The following PRKD2 variants were observed in gnomAD, a reference collection of about 807,000 sequenced individuals.
PRKD2 encodes the protein serine/threonine-protein kinase D2.
A neutral mutation model predicts 86.0 loss-of-function variants in PRKD2; 22 were observed. That is an observed-to-expected ratio of 0.26 (90% CI 0.18 to 0.37). PRKD2 has a LOEUF of 0.37. Ranked by LOEUF, PRKD2 falls within the 10% of genes least tolerant of loss-of-function variation. The probability of loss-of-function intolerance (pLI) is 1.00; values close to 1 mark genes in which losing one functional copy is unlikely to be tolerated. For synonymous variants in PRKD2, 509 were observed against 510.9 expected (o/e 1.00, Z 0.05); for missense variants, 818 against 1,199.2 (o/e 0.68, Z 4.70).
intron 10 of PRKD2, 49 bp from the exon 11 acceptor site, chr19:46,692,034 A>G (rs1568723700): frequency 6.4e-7 from 1 of 1,567,878 alleles, no homozygotes. Context: ...GCTCAGGATT[A>G]TCTCCACCCA....
At chr19:46,679,534 A>T (rs2053264526) in intron 15 of PRKD2, among the ~76,000 whole-genome samples, 1 of 152,208 alleles carries the variant, frequency 6.6e-6, no homozygotes, top group African/African-American at 2.4e-5. Flanking sequence ...TGTTGATAGC[A>T]GCCTCCTCTC....
In PRKD2 at chr19:46,691,748, TC is replaced by T; in HGVS notation, c.1688del (p.Gly563GlufsTer49). On this transcript the variant is annotated frameshift_variant, in exon 12 of 18. Transcript: ENST00000291281. LOFTEE classifies it high-confidence loss of function. ...AAGTGTCCTCACCTCCATAGACCAC[TC>T]CAAACTGCCCTGAGCCCAGCACTTC... The part of the protein sequence containing the change: ...PDEVLGSGQF[G>X]VVYGGKHRKT... 6.2e-7 allele frequency: 1 copy of T among 1,612,554 alleles called. No individual in the cohort carries two copies. The highest frequency in any genetic ancestry group is 8.5e-7 in the Non-Finnish European group (1 of 1,179,940).
intron 9 of PRKD2, among the ~76,000 whole-genome samples, chr19:46,694,718 C>T (rs1360739397): frequency 6.6e-6 from 1 of 152,154 alleles, no homozygotes; most frequent in African/African-American, 2.4e-5. Flanking sequence ...TAAGGAAAGG[C>T]TATGCTCAAA....
chr19:46,681,523 G>A (rs2053306396), intron 15 of PRKD2, 127 bp downstream of exon 15: 1 of 660,800 alleles, frequency 1.5e-6, no homozygotes, highest in African/African-American at 1.8e-5. Context: ...CTCTCAAAAT[G>A]CTGATTACAG....
At chr19:46,712,211 T>TC (rs1206164596) in intron 2 of PRKD2, among the ~76,000 whole-genome samples, 1 of 151,890 alleles carries the variant, frequency 6.6e-6, no homozygotes, top group Non-Finnish European at 1.5e-5. Flanking sequence ...GCCACTGCAT[T>TC]CCAGCCTGGG....
At chr19:46,705,579 G>C (rs560151029) in intron 3 of PRKD2, among the ~76,000 whole-genome samples, 59 of 152,234 alleles carry the variant, frequency 3.9e-4, no homozygotes, top group Admixed American at 5.2e-4. Context: ...TTGAGGTCAG[G>C]AGTTTGAGAC....
intron 14 of PRKD2, among the ~76,000 whole-genome samples, chr19:46,688,338 G>A (rs2053430159): frequency 6.6e-6 from 1 of 151,874 alleles, no homozygotes; most frequent in African/African-American, 2.4e-5. Context: ...CAGGTCCAGG[G>A]AGCCTGACTG....
chr19:46,715,717 C>T (rs2053872362), intron 1 of PRKD2, among the ~76,000 whole-genome samples: 1 of 151,890 alleles, frequency 6.6e-6, no homozygotes, highest in African/African-American at 2.4e-5. Flanking sequence ...GCACCTGCAC[C>T]CACACATGTC....
At chr19:46,704,142 C>A in intron 5 of PRKD2, 27 bp downstream of exon 5, 1 of 1,612,738 alleles carries the variant, frequency 6.2e-7, no homozygotes, top group South Asian at 1.1e-5. Flanking sequence ...CTGACCCTGT[C>A]TGTCCTCCCC....
At chr19:46,704,024 G>A (rs2053674954) in intron 5 of PRKD2, 145 bp downstream of exon 5, 2 of 1,179,382 alleles carry the variant, frequency 1.7e-6, no homozygotes, top group East Asian at 2.6e-5. Context: ...GAATTCCAAA[G>A]GTCCCAGAAC....
chr19:46,700,909 CTT>C lies in PRKD2; in HGVS notation c.1009_1010del (p.Lys337GlufsTer6). ...CCTCTGACTCATCCATGAGGGCGCTCTTGTCAGCCTCGCTGAAATCGGTGGCC... is the reference window on the plus strand; with the variant it reads ...CCTCTGACTCATCCATGAGGGCGCTCGTCAGCCTCGCTGAAATCGGTGGCC... Reference protein sequence around the residue: ...EEATDFSEADKSALMDESEDS... With the variant: ...EEATDFSEADXSALMDESEDS... On this transcript the variant is annotated frameshift_variant, in exon 7 of 18. Coordinates refer to ENST00000291281, the MANE Select transcript of PRKD2 (RefSeq NM_016457.5). LOFTEE classifies it high-confidence loss of function. 1 of 1,614,242 alleles carries C rather than the reference CTT, an allele frequency of 6.2e-7. No individual in the cohort carries two copies. Among genetic ancestry groups the C allele is most frequent in the Non-Finnish European group, 8.5e-7 (1 of 1,180,042 alleles).
chr19:46,701,213 C>T, intron 5 of PRKD2, 101 bp from the exon 6 acceptor site: 1 of 1,273,064 alleles, frequency 7.9e-7, no homozygotes, highest in Non-Finnish European at 1.1e-6. Context: ...AGAGTCTACT[C>T]TTGCTGTCTG....
chr19:46,713,981 G>A lies in PRKD2; in HGVS notation c.261C>T (p.Tyr87=), dbSNP rs762073193. The A allele has an allele frequency of 3.0e-5, 48 of 1,613,410 alleles. No individual in the cohort carries two copies. In the Admixed American group the frequency reaches 7.2e-4, roughly 24 times the overall value. ...VDQKFPECGF[Y]GLYDKILLFK... ...AAAGCAGGATCTTGTCGTAAAGGCC[G>A]TAGAAGCCACACTCAGGGAACTGAG... Residue 87 remains tyrosine, a synonymous_variant, in exon 2 of 18, where the codon TAC becomes TAT. Transcript: ENST00000291281.
rs373208619 is a variant in PRKD2, at chr19:46,674,705, G to T, written c.2455C>A (p.Leu819Met). ...TATCGCTCTCCCATCTTCCCCTCCA[G>T]CTCTCGGAGGTCCAGCCACGTCTGG... ...EYQTWLDLRE[L>M]EGKMGERYIT... is the part of the protein sequence containing the mutation. Residue 819 changes from leucine (L) to methionine (M), a missense_variant, in exon 18 of 18, where the codon CTG (leucine) becomes ATG (methionine). Around this residue, in one of 5 missense-constraint regions of PRKD2, gnomAD observed 132 missense variants for 146.2 expected, o/e 0.90. Transcript: ENST00000291281. 1 of 1,605,606 alleles carries T rather than the reference G, an allele frequency of 6.2e-7. No homozygotes were observed. Among genetic ancestry groups the T allele is most frequent in the Non-Finnish European group, 8.5e-7 (1 of 1,179,938 alleles).
rs1555833302 is a variant in PRKD2 at position 46,716,418 on chromosome 19, C to CG, written c.-49dup. On this transcript the variant is annotated 5_prime_UTR_variant, in exon 1 of 18. Transcript: ENST00000291281. The surrounding 1 kb of genome is among the most constrained non-coding windows in gnomAD (Gnocchi z 7.9). ...GCCTGGAGCCCACCCGGGACCCGGC[C>CG]GGGGGGCCCCGGGGGACCCTGGGTT... The CG allele has an allele frequency of 1.7e-5, 12 of 708,150 alleles. No homozygotes were observed. The highest frequency in any genetic ancestry group is 1.1e-4 in the Admixed American group (2 of 18,864). The allele number at this position is 708,150 out of a possible 1,614,324, so 43.9% of individuals were successfully genotyped here.
At chr19:46,691,686 C>G (rs1263172905) in intron 12 of PRKD2, 49 bp downstream of exon 12, 2 of 1,578,092 alleles carry the variant, frequency 1.3e-6, no homozygotes, top group Non-Finnish European at 1.7e-6. Context: ...GCCACAGCAG[C>G]TTCCCCCAGC....
Position 46,704,612 on chromosome 19 carries a change from G to A in PRKD2, c.549C>T (p.Ser183=). 1 of 1,613,360 alleles carries A rather than the reference G, an allele frequency of 6.2e-7. No homozygotes were observed. Among genetic ancestry groups the A allele is most frequent in the South Asian group, 1.1e-5 (1 of 91,016 alleles). The stretch of plus-strand genomic sequence containing the variant: ...GGGCCCCACTACAGTTGTTGGGGAT[G>A]CTGAAGGCACAGCGCTTGTGGTAGT... ...GLNYHKRCAF[S]IPNNCSGARK... is the part of the protein sequence containing the mutation. The change falls in exon 4 of 18, where the codon AGC becomes AGT. Residue 183 remains serine, a synonymous_variant. Transcript: ENST00000291281.
At chr19:46,685,727 T>A (rs1264342638) in intron 14 of PRKD2, 3 of 152,224 alleles carry the variant, frequency 2.0e-5, no homozygotes, top group African/African-American at 7.2e-5. Flanking sequence ...GGCAGGCAGA[T>A]GACTTGAGGT....
Position 46,689,603 on chromosome 19 carries a change from C to T in PRKD2, c.1905G>A (p.Leu635=). 1.2e-6 allele frequency: 2 copies of T among 1,614,146 alleles called. No individual in the cohort carries two copies. The highest frequency in any genetic ancestry group is 1.7e-5 in the Admixed American group (1 of 60,002). The change falls in exon 14 of 18, where the codon TTG becomes TTA. Residue 635 remains leucine (L), a synonymous_variant. Transcript: ENST00000291281. ...CCTTCTCACTGGACAGGATCATCTC[C>T]AACATGTCCCCATGCAGCTTCTCCA... ...VVMEKLHGDM[L]EMILSSEKGR...
Sources: allele counts gnomAD v4.1 joint callset (sites outside exome capture counted in the v4.1 genomes callset), GRCh38; gene constraint gnomAD v4.1.1; regional missense constraint gnomAD v4.1.1; non-coding constraint Gnocchi (gnomAD v3.1); transcripts MANE v1.5; gene names NCBI Gene and HGNC (gene_info 2026-07-23, HGNC 2026-07-21).